Variants in DPP10 observed in about 807,000 individuals in gnomAD.
DPP10 encodes dipeptidyl peptidase like 10, also known as inactive dipeptidyl peptidase 10.
Under a neutral mutation model 120.9 loss-of-function variants are expected in DPP10, and 33 were observed. That is an observed-to-expected ratio of 0.27 (90% CI 0.21 to 0.37). The LOEUF (loss-of-function observed/expected upper bound fraction) is 0.37, where lower values mean the gene tolerates loss of function less well. DPP10 is among the 10% of genes least tolerant of loss of function. The pLI is 1.00. For missense variants in DPP10, 816 were observed against 942.8 expected (o/e 0.87, Z 1.76); for synonymous variants, 337 against 326.1 (o/e 1.03, Z -0.36).
chr2:115,614,631 G>A (rs1211260080), intron 5 of DPP10, among the ~76,000 whole-genome samples: 1 of 152,094 alleles, frequency 6.6e-6, no homozygotes, highest in Non-Finnish European at 1.5e-5. Flanking sequence ...CGTTATGTTG[G>A]CCAGGCTGGT....
intron 1 of DPP10, among the ~76,000 whole-genome samples, chr2:114,752,709 C>A (rs547162928): frequency 2.0e-5 from 3 of 152,170 alleles, no homozygotes; most frequent in Admixed American, 6.5e-5. Flanking sequence ...GTTTCTAAAA[C>A]GTTCTGTTAC....
intron 3 of DPP10, among the ~76,000 whole-genome samples, chr2:115,379,463 C>T (rs1295138219): frequency 6.6e-6 from 1 of 152,042 alleles, no homozygotes; most frequent in African/African-American, 2.4e-5. Context: ...ATTAGTCTTG[C>T]TAGCGGTCTG....
rs1461779002 is a variant in DPP10, at chr2:114,663,664, TATATAGAG to T, written c.60+220828_60+220835del. ...AGATATATATATATATATATATATA[TATATAGAG>T]AGAGAGAGAGAGAGAGAGAGAGAGA... On this transcript the variant is annotated intron_variant, in intron 1 of 25. Coordinates refer to ENST00000410059, the MANE Select transcript of DPP10 (RefSeq NM_020868.6). Among the ~76,000 whole-genome samples, 5 of 95,432 alleles carry T rather than the reference TATATAGAG, an allele frequency of 5.2e-5. 1 individual carries two copies. Among genetic ancestry groups the T allele is most frequent in the East Asian group, 2.9e-4 (1 of 3,410 alleles). 62.6% of individuals were successfully genotyped at this position (95,432 alleles called of 152,430 possible).
chr2:114,834,199 C>A (rs547264571), intron 1 of DPP10, among the ~76,000 whole-genome samples: 4 of 146,330 alleles, frequency 2.7e-5, no homozygotes, highest in South Asian at 4.4e-4. Flanking sequence ...TATATATAAG[C>A]CATATCTACA....
chr2:115,738,714 C>A (rs1185366957), intron 8 of DPP10, among the ~76,000 whole-genome samples: 2 of 152,052 alleles, frequency 1.3e-5, no homozygotes, highest in Admixed American at 1.3e-4. Context: ...GTGATAAATT[C>A]CATTTGTATA....
intron 1 of DPP10, among the ~76,000 whole-genome samples, chr2:115,201,683 T>A (rs2055734725): frequency 6.6e-6 from 1 of 152,142 alleles, no homozygotes; most frequent in African/African-American, 2.4e-5. Flanking sequence ...CATGTTATCC[T>A]CAAGTTATAT....
intron 1 of DPP10, among the ~76,000 whole-genome samples, chr2:114,642,834 A>G (rs1695811589): frequency 6.6e-6 from 1 of 151,952 alleles, no homozygotes; most frequent in Non-Finnish European, 1.5e-5. Context: ...TTCAAACAGA[A>G]CCCAGATCTC....
chr2:115,109,654 T>A (rs1204528227), intron 1 of DPP10, among the ~76,000 whole-genome samples: 1 of 152,208 alleles, frequency 6.6e-6, no homozygotes, highest in Admixed American at 6.5e-5. Context: ...AGATATTTTT[T>A]AACACAGCTC....
At chr2:115,772,491 A>G (rs1246915444) in intron 13 of DPP10, among the ~76,000 whole-genome samples, 3 of 152,174 alleles carry the variant, frequency 2.0e-5, no homozygotes, top group African/African-American at 4.8e-5. Context: ...CATATATTCC[A>G]TTAAAGAAAA....
chr2:114,467,728 G>A (rs544327633), intron 1 of DPP10, among the ~76,000 whole-genome samples: 4 of 152,270 alleles, frequency 2.6e-5, no homozygotes, highest in Non-Finnish European at 5.9e-5. Context: ...GGCCAGGCAC[G>A]GCGGCTCACG....
intron 3 of DPP10, among the ~76,000 whole-genome samples, chr2:115,353,528 T>C (rs2064170521): frequency 6.6e-6 from 1 of 152,168 alleles, no homozygotes; most frequent in Non-Finnish European, 1.5e-5. Flanking sequence ...CTGATAAATG[T>C]CAGCTATTTT....
At chr2:115,770,711 G>A (rs1681359796) in intron 13 of DPP10, among the ~76,000 whole-genome samples, 1 of 152,118 alleles carries the variant, frequency 6.6e-6, no homozygotes, top group Non-Finnish European at 1.5e-5. Flanking sequence ...TATGAATTGT[G>A]TATGACTGCT....
At chr2:115,572,539 G>T (rs2081396747) in intron 5 of DPP10, among the ~76,000 whole-genome samples, 1 of 152,080 alleles carries the variant, frequency 6.6e-6, no homozygotes, top group Non-Finnish European at 1.5e-5. Flanking sequence ...ATACAAATGT[G>T]TTTTTTATAT....
rs151039260 is a variant in DPP10 at position 114,889,761 on chromosome 2, T to C, written c.61-419478T>C. 3.0e-4 allele frequency among the ~76,000 whole-genome samples: 46 copies of C among 152,320 alleles called. 2 individuals are homozygous for C. The highest frequency in any genetic ancestry group is 1.0e-3 in the African/African-American group (42 of 41,578). On this transcript the variant is annotated intron_variant, in intron 1 of 25. Transcript: ENST00000410059. ...TGGATAAAATTTTCACAATAGTACT[T>C]TAAGACATCTAGAAATTTGACAGAT...
chr2:115,810,120 C>CTGCCAGATCTGG (rs1686466393), intron 19 of DPP10, among the ~76,000 whole-genome samples: 1 of 151,546 alleles, frequency 6.6e-6, no homozygotes, highest in East Asian at 1.9e-4. Flanking sequence ...CGAGATCGCA[C>CTGCCAGATCTGG]CACTGCACTC....
At chr2:114,512,594 TGAAAG>T (rs1342166010) in intron 1 of DPP10, among the ~76,000 whole-genome samples, 2 of 152,188 alleles carry the variant, frequency 1.3e-5, no homozygotes, top group Admixed American at 6.5e-5. Flanking sequence ...CAGGCACAGA[TGAAAG>T]GAAATCTTTC....
intron 1 of DPP10, among the ~76,000 whole-genome samples, chr2:114,601,300 C>A (rs949753139): frequency 6.6e-6 from 1 of 151,842 alleles, no homozygotes; most frequent in Non-Finnish European, 1.5e-5. Context: ...AATGAACAAC[C>A]TTTGCTTTCT....
At chr2:114,530,237 A>G (rs1000767892) in intron 1 of DPP10, among the ~76,000 whole-genome samples, 1 of 152,176 alleles carries the variant, frequency 6.6e-6, no homozygotes, top group African/African-American at 2.4e-5. Context: ...GTGTGGAAGG[A>G]TGTTCTGTGC....
intron 1 of DPP10, among the ~76,000 whole-genome samples, chr2:115,289,694 A>G (rs1417008741): frequency 6.6e-6 from 1 of 152,096 alleles, no homozygotes; most frequent in African/African-American, 2.4e-5. Flanking sequence ...ACATAAAGCC[A>G]GATACTTACA....
Sources: gnomAD v4.1 joint callset for allele counts (sites outside exome capture counted in the v4.1 genomes callset) on GRCh38, gnomAD v4.1.1 for gene constraint, MANE v1.5 for transcripts, NCBI Gene and HGNC (gene_info 2026-07-23, HGNC 2026-07-21) for gene names.